Variants in CDH12 observed in about 807,000 individuals in gnomAD.
CDH12 encodes cadherin 12, also known as cadherin-12.
CDH12 carries 41 observed loss-of-function variants against 74.1 expected under a neutral mutation model. The observed-to-expected ratio is 0.55, with a 90% CI of 0.43 to 0.72. The LOEUF is 0.72. CDH12 is among the 30% of genes least tolerant of loss of function. CDH12 has a pLI of 0.00. For synonymous variants in CDH12, 399 were observed against 355.0 expected (o/e 1.12, Z -1.39); for missense variants, 945 against 977.2 (o/e 0.97, Z 0.44).
Position 22,787,138 on chromosome 5 carries a change from CCACA to C in CDH12, c.-523+65916_-523+65919del, listed in dbSNP as rs147255137. Among the ~76,000 whole-genome samples, 713 of 148,726 alleles carry C rather than the reference CCACA, an allele frequency of 4.8e-3. 6 individuals are homozygous for C. Among genetic ancestry groups the C allele is most frequent in the African/African-American group, 0.016 (670 of 40,650 alleles). On this transcript the variant is annotated intron_variant, in intron 1 of 14. Coordinates refer to ENST00000382254, the MANE Select transcript of CDH12 (RefSeq NM_004061.5). ...TTAGGACCTCTAAAACACACACACA[CCACA>C]CACACACACACACACACCCCACAGC...
rs190375780 is a variant in CDH12, at chr5:22,098,476, T to C, written c.-186-19614A>G. Among the ~76,000 whole-genome samples the C allele has an allele frequency of 3.7e-3, 570 of 152,298 alleles. 2 individuals are homozygous for C. Among genetic ancestry groups the C allele is most frequent in the African/African-American group, 0.013 (542 of 41,566 alleles). ...CCTTACTGTTTTAGCCTAGTCCTCA[T>C]GTTTGCGTGCAGCAGCTGCCGCTGC... On this transcript the variant is annotated intron_variant, in intron 4 of 14. Transcript: ENST00000382254.
intron 1 of CDH12, among the ~76,000 whole-genome samples, chr5:22,608,730 C>G (rs183168774): frequency 6.6e-6 from 1 of 152,252 alleles, no homozygotes; most frequent in East Asian, 1.9e-4. Flanking sequence ...TTCCCCCATT[C>G]TGTGCTTGTG....
In CDH12 at chr5:22,796,670, C is replaced by T. The variant is rs1375682629; in HGVS notation, c.-523+56388G>A. ...AAGTAGCTGGGACTACAGGCGCCCG[C>T]CACTACGCCCGGCTAATTTTTTTGT... is the stretch of plus-strand genomic sequence containing the variant. On this transcript the variant is annotated intron_variant, in intron 1 of 14. Transcript: ENST00000382254. Among the ~76,000 whole-genome samples the T allele has an allele frequency of 2.3e-5, 3 of 133,258 alleles. 1 individual carries two copies. The highest frequency in any genetic ancestry group is 9.3e-5 in the African/African-American group (3 of 32,150). 87.4% of individuals were successfully genotyped at this position (133,258 alleles called of 152,430 possible).
intron 2 of CDH12, among the ~76,000 whole-genome samples, chr5:22,439,435 T>A (rs1411695453): frequency 6.6e-6 from 1 of 152,082 alleles, no homozygotes; most frequent in Non-Finnish European, 1.5e-5. Flanking sequence ...CCAATTTCTA[T>A]GCTATAAAAT....
intron 6 of CDH12, among the ~76,000 whole-genome samples, chr5:21,912,347 A>G (rs1215603024): frequency 2.0e-5 from 3 of 152,078 alleles, no homozygotes; most frequent in Non-Finnish European, 4.4e-5. Flanking sequence ...ATAACTCTTA[A>G]TCTTACCCAT....
At chr5:22,107,298 A>AT (rs150794003) in intron 4 of CDH12, among the ~76,000 whole-genome samples, 31,415 of 151,334 alleles carry the variant, frequency 0.21, 3,809 homozygotes, top group East Asian at 0.45. Context: ...TGCCTGGCTA[A>AT]TTTTTTTATT....
chr5:22,104,610 A>G (rs1434061190), intron 4 of CDH12, among the ~76,000 whole-genome samples: 1 of 152,206 alleles, frequency 6.6e-6, no homozygotes, highest in African/African-American at 2.4e-5. Context: ...CGTGTGCATT[A>G]GAAATACTGG....
At chr5:22,467,493 G>A (rs1745784892) in intron 2 of CDH12, among the ~76,000 whole-genome samples, 1 of 152,008 alleles carries the variant, frequency 6.6e-6, no homozygotes, top group Admixed American at 6.6e-5. Flanking sequence ...TTCATTTTCA[G>A]TCACCTCTAC....
At chr5:22,626,074 C>G (rs1738274684) in intron 1 of CDH12, among the ~76,000 whole-genome samples, 1 of 152,040 alleles carries the variant, frequency 6.6e-6, no homozygotes, top group African/African-American at 2.4e-5. Context: ...GAGGCACAGG[C>G]AGCCAGCCAT....
intron 5 of CDH12, among the ~76,000 whole-genome samples, chr5:22,032,810 A>G (rs1462040128): frequency 6.7e-6 from 1 of 148,504 alleles, no homozygotes; most frequent in East Asian, 2.0e-4. Context: ...TATAGTGTGT[A>G]TATATACACA....
chr5:21,888,127 T>A (rs1342766995), intron 6 of CDH12, among the ~76,000 whole-genome samples: 1 of 152,076 alleles, frequency 6.6e-6, no homozygotes, highest in Non-Finnish European at 1.5e-5. Context: ...AAAAATTTGG[T>A]TGCAATATGG....
chr5:22,825,077 C>A (rs1217610632), intron 1 of CDH12, among the ~76,000 whole-genome samples: 1 of 151,972 alleles, frequency 6.6e-6, no homozygotes, highest in Non-Finnish European at 1.5e-5. Flanking sequence ...TCTCTACAAT[C>A]ACGCATTCAT....
chr5:22,564,174 A>C (rs1739190177), intron 1 of CDH12, among the ~76,000 whole-genome samples: 1 of 152,180 alleles, frequency 6.6e-6, no homozygotes, highest in African/African-American at 2.4e-5. Flanking sequence ...GTCTTATAAA[A>C]ATATAGTTCT....
intron 2 of CDH12, among the ~76,000 whole-genome samples, chr5:22,479,518 A>T (rs1299855246): frequency 6.6e-6 from 1 of 152,204 alleles, no homozygotes; most frequent in Non-Finnish European, 1.5e-5. Flanking sequence ...AGGAAAAGAC[A>T]TCTATCTTAA....
At chr5:22,284,027 C>T (rs1035493140) in intron 3 of CDH12, among the ~76,000 whole-genome samples, 5 of 152,186 alleles carry the variant, frequency 3.3e-5, no homozygotes, top group Non-Finnish European at 5.9e-5. Context: ...AACTTAGTTA[C>T]TGACTACATT....
At chr5:22,554,601 T>G (rs1285382577) in intron 1 of CDH12, among the ~76,000 whole-genome samples, 1 of 152,148 alleles carries the variant, frequency 6.6e-6, no homozygotes, top group Non-Finnish European at 1.5e-5. Flanking sequence ...TATCTAAAAC[T>G]ACTGGTGAGT....
chr5:21,899,433 C>G (rs1753281582), intron 6 of CDH12, among the ~76,000 whole-genome samples: 1 of 152,094 alleles, frequency 6.6e-6, no homozygotes, highest in Non-Finnish European at 1.5e-5. Context: ...AATCAAGACC[C>G]TAGTTGAGGA....
At chr5:21,785,702 C>T (rs1746161194) in intron 10 of CDH12, among the ~76,000 whole-genome samples, 2 of 152,270 alleles carry the variant, frequency 1.3e-5, no homozygotes, top group East Asian at 1.9e-4. Context: ...AGTAAGGAAA[C>T]TGCAGAAGAA....
At chr5:22,540,136 C>G (rs1034190900) in intron 1 of CDH12, among the ~76,000 whole-genome samples, 1 of 151,818 alleles carries the variant, frequency 6.6e-6, no homozygotes, top group Admixed American at 6.6e-5. Context: ...TAGCACAGAG[C>G]AATTTTATAT....
Sources: gnomAD v4.1 joint callset for allele counts (sites outside exome capture counted in the v4.1 genomes callset) on GRCh38, gnomAD v4.1.1 for gene constraint, MANE v1.5 for transcripts, NCBI Gene and HGNC (gene_info 2026-07-23, HGNC 2026-07-21) for gene names.